Variants in DNAH5 observed in about 807,000 individuals in gnomAD.
DNAH5 encodes axonemal beta dynein heavy chain 5.
DNAH5 carries 372 observed loss-of-function variants against 518.2 expected under a neutral mutation model. The ratio of observed to expected loss-of-function variants is 0.72; its 90% CI spans 0.66 to 0.78. The LOEUF (loss-of-function observed/expected upper bound fraction) is 0.78. Ranked by LOEUF, DNAH5 falls within the 30% of genes least tolerant of loss-of-function variation. The probability of loss-of-function intolerance (pLI) is 0.00; values close to 1 mark genes in which losing one functional copy is unlikely to be tolerated. For missense variants in DNAH5, 5,523 were observed against 5,687.0 expected (o/e 0.97, Z 0.93); for synonymous variants, 2,039 against 2,025.9 (o/e 1.01, Z -0.17).
chr5:13,871,432 A>G (rs890236958), intron 23 of DNAH5, 132 bp downstream of exon 23: 1 of 785,086 alleles, frequency 1.3e-6, no homozygotes, highest in African/African-American at 1.8e-5. Context: ...AAATCCACAA[A>G]TTGGTTTTAA....
intron 1 of DNAH5, among the ~76,000 whole-genome samples, chr5:13,986,030 C>A (rs959802788): frequency 2.6e-5 from 4 of 152,190 alleles, no homozygotes. Flanking sequence ...TAGCACTTAG[C>A]CCCCTGCTGT....
intron 17 of DNAH5, among the ~76,000 whole-genome samples, chr5:13,888,786 T>C (rs1772772088): frequency 6.6e-6 from 1 of 152,218 alleles, no homozygotes; most frequent in Admixed American, 6.5e-5. Flanking sequence ...CCATACTCTC[T>C]GACACAATAA....
At chr5:13,731,831 C>G (rs945569298) in intron 68 of DNAH5, among the ~76,000 whole-genome samples, 7 of 152,156 alleles carry the variant, frequency 4.6e-5, no homozygotes, top group Non-Finnish European at 1.0e-4. Context: ...GACTGAAAGA[C>G]CACCATCCAA....
At chr5:13,746,462 C>T (rs1580026671) in intron 65 of DNAH5, among the ~76,000 whole-genome samples, 3 of 152,236 alleles carry the variant, frequency 2.0e-5, no homozygotes, top group South Asian at 2.1e-4. Context: ...GGCCAACACA[C>T]GGTTTGCAAC....
At chr5:13,757,515 G>T (rs1466407180) in intron 61 of DNAH5, among the ~76,000 whole-genome samples, 1 of 152,062 alleles carries the variant, frequency 6.6e-6, no homozygotes, top group African/African-American at 2.4e-5. Context: ...TTTGAAAAGT[G>T]TCTGTTGTAA....
chr5:13,713,414 CATAT>C (rs370220746), intron 75 of DNAH5, among the ~76,000 whole-genome samples: 5 of 96,922 alleles, frequency 5.2e-5, no homozygotes, highest in Non-Finnish European at 7.9e-5. Flanking sequence ...TATACACCGA[CATAT>C]ATATATATAC....
chr5:13,757,362 A>G (rs1454648953), intron 61 of DNAH5, among the ~76,000 whole-genome samples: 2 of 152,162 alleles, frequency 1.3e-5, no homozygotes, highest in African/African-American at 4.8e-5. Context: ...TCTCACCAGC[A>G]TCTGTTGTTT....
intron 1 of DNAH5, among the ~76,000 whole-genome samples, chr5:13,993,034 C>T (rs746633941): frequency 1.2e-4 from 19 of 152,280 alleles, no homozygotes; most frequent in African/African-American, 3.9e-4. Flanking sequence ...GCATATTCTG[C>T]GGCTATTAGA....
intron 1 of DNAH5, among the ~76,000 whole-genome samples, chr5:13,968,929 G>C (rs1044090280): frequency 1.3e-5 from 2 of 152,096 alleles, no homozygotes; most frequent in African/African-American, 4.8e-5. Context: ...ATTCAGCTGT[G>C]AATGCATCCA....
chr5:13,724,881 C>T (rs1745516653), intron 70 of DNAH5, among the ~76,000 whole-genome samples: 1 of 152,246 alleles, frequency 6.6e-6, no homozygotes, highest in African/African-American at 2.4e-5. Context: ...ATGCCAGCCC[C>T]ATGCTTCCTG....
At chr5:13,889,033 TG>T (rs1361615225) in intron 17 of DNAH5, among the ~76,000 whole-genome samples, 1 of 152,164 alleles carries the variant, frequency 6.6e-6, no homozygotes, top group African/African-American at 2.4e-5. Context: ...AAATGTTAAC[TG>T]GGAGAAAAAA....
intron 56 of DNAH5, among the ~76,000 whole-genome samples, chr5:13,770,084 GAACCT>G (rs1260751314): frequency 1.3e-5 from 2 of 152,144 alleles, no homozygotes; most frequent in Non-Finnish European, 2.9e-5. Context: ...CTGCCTGCCT[GAACCT>G]GAAATAACGT....
rs1468245529 is a variant in DNAH5, at chr5:13,793,696, T to C, written c.8043A>G (p.Glu2681=). The part of the protein sequence containing the change: ...VTNEIVRQLM[E]QNGFYNLEKP... ...TCTCTAGATTATAGAATCCATTTTG[T>C]TCCATCAGCTGTCGCACTATCTCAT... The change falls in exon 49 of 79, where the codon GAA becomes GAG. Residue 2681 remains glutamate, a synonymous_variant. Transcript: ENST00000265104. The C allele has an allele frequency of 6.2e-7, 1 of 1,614,054 alleles. No homozygotes were observed. Among genetic ancestry groups the C allele is most frequent in the Non-Finnish European group, 8.5e-7 (1 of 1,180,038 alleles).
intron 29 of DNAH5, 148 bp from the exon 30 acceptor site, chr5:13,859,753 A>G (rs1768129725): frequency 1.1e-5 from 8 of 740,580 alleles, no homozygotes; most frequent in East Asian, 5.3e-5. Flanking sequence ...CAACCAAGTG[A>G]TTAATTCATC....
chr5:13,876,966 A>G (rs993611517), intron 21 of DNAH5, 149 bp from the exon 22 acceptor site: 45 of 815,228 alleles, frequency 5.5e-5, no homozygotes, highest in Non-Finnish European at 1.9e-5. Flanking sequence ...AGAGTTGTCA[A>G]TGTCAACTTT....
intron 54 of DNAH5, 61 bp from the exon 55 acceptor site, chr5:13,776,767 A>T: frequency 6.4e-7 from 1 of 1,560,992 alleles, no homozygotes; most frequent in Non-Finnish European, 8.8e-7. Context: ...ATCAAAATGT[A>T]GAGCTTAATA....
rs749125197 is a variant in DNAH5 at position 13,700,882 on chromosome 5, C to A, written c.13492-11G>T. The A allele has an allele frequency of 5.5e-5, 89 of 1,613,434 alleles. No individual in the cohort carries two copies. Among genetic ancestry groups the A allele is most frequent in the Non-Finnish European group, 6.8e-5 (80 of 1,179,586 alleles). On this transcript the variant is annotated splice_polypyrimidine_tract_variant and intron_variant, in intron 77 of 78. Coordinates refer to ENST00000265104, the MANE Select transcript of DNAH5 (RefSeq NM_001369.3). ...GGCCCGAGTTATTTCCTATTCAGGG[C>A]AGCAAAAGATGAATGGAGCGGTTAG...
intron 12 of DNAH5, among the ~76,000 whole-genome samples, chr5:13,908,084 C>T (rs138525979): frequency 1.3e-5 from 2 of 152,226 alleles, no homozygotes; most frequent in African/African-American, 4.8e-5. Context: ...ATGGGTAAGC[C>T]GCAAACCTCC....
At chr5:13,919,444 A>G in intron 6 of DNAH5, 92 bp from the exon 7 acceptor site, 1 of 1,477,880 alleles carries the variant, frequency 6.8e-7, no homozygotes, top group South Asian at 1.2e-5. Context: ...GAAATCAATT[A>G]TCCTATCTGG....
Sources: gnomAD v4.1 joint callset for allele counts (sites outside exome capture counted in the v4.1 genomes callset) on GRCh38, gnomAD v4.1.1 for gene constraint, MANE v1.5 for transcripts, NCBI Gene and HGNC (gene_info 2026-07-23, HGNC 2026-07-21) for gene names.